EAF1: variants seen among roughly 807,000 people sequenced by gnomAD.
EAF1 encodes the protein ELL associated factor 1.
A neutral mutation model predicts 26.6 loss-of-function variants in EAF1; 19 were observed. That is an observed-to-expected ratio of 0.71 (90% CI 0.50 to 1.05). EAF1 has a LOEUF of 1.05. Among genes scored for constraint, EAF1 ranks in the 50% least tolerant of loss-of-function variants. The pLI, the probability that EAF1 is intolerant of heterozygous loss-of-function variation, is 0.00. For missense variants in EAF1, 260 were observed against 335.5 expected (o/e 0.78, Z 1.76); for synonymous variants, 102 against 120.6 (o/e 0.85, Z 1.01).
At chr3:15,429,517 A>G (rs922914999) in intron 1 of EAF1, among the ~76,000 whole-genome samples, 1 of 152,270 alleles carries the variant, frequency 6.6e-6, no homozygotes, top group Admixed American at 6.5e-5. Flanking sequence ...CACAACCCTA[A>G]AAAAGCAACT....
chr3:15,431,250 G>A (rs181900079), intron 2 of EAF1, among the ~76,000 whole-genome samples: 1 of 152,306 alleles, frequency 6.6e-6, no homozygotes, highest in East Asian at 1.9e-4. Context: ...TTGCCCTGGT[G>A]GAGCTTATGG....
At chr3:15,432,716 G>A (rs2061809589) in intron 3 of EAF1, among the ~76,000 whole-genome samples, 1 of 151,728 alleles carries the variant, frequency 6.6e-6, no homozygotes, top group Non-Finnish European at 1.5e-5. Context: ...GCCAGTTAGA[G>A]TTTATTTGAA....
In EAF1 at chr3:15,442,008, C is replaced by T. The variant is rs1201571197; in HGVS notation, c.*2853C>T. ...TGAAGTGTCAGAGGCGCTTAGTAAG[C>T]CTTAGTAAAGTTGTGATTGAAGAAA... On this transcript the variant is annotated 3_prime_UTR_variant, in exon 6 of 6. Transcript: ENST00000396842. The T allele has an allele frequency of 1.3e-5, 2 of 152,432 alleles. No homozygotes were observed. The highest frequency in any genetic ancestry group is 2.4e-5 in the African/African-American group (1 of 41,330). The allele number at this position is 152,432 out of a possible 1,614,324, so 9.4% of individuals were successfully genotyped here. A position where few individuals can be genotyped will look rare whatever the true frequency, so the allele number is the denominator to read the frequency against.
intron 3 of EAF1, among the ~76,000 whole-genome samples, chr3:15,432,592 A>T (rs1375759063): frequency 1.3e-5 from 2 of 152,180 alleles, no homozygotes; most frequent in African/African-American, 4.8e-5. Flanking sequence ...GAGTGAAAAC[A>T]TTAATTTTTT....
At chr3:15,436,180 G>T in intron 4 of EAF1, 162 bp from the exon 5 acceptor site, 1 of 485,616 alleles carries the variant, frequency 2.1e-6, no homozygotes, top group Non-Finnish European at 3.6e-6. Flanking sequence ...TTTTTGTTTT[G>T]GTAATTTTGT....
At chr3:15,433,181 T>TTCCAA (rs2061812364) in intron 3 of EAF1, 1 of 151,518 alleles carries the variant, frequency 6.6e-6, no homozygotes, top group African/African-American at 2.5e-5. Flanking sequence ...CTCTGTATCA[T>TTCCAA]TCCAATTTTA....
intron 5 of EAF1, among the ~76,000 whole-genome samples, chr3:15,438,333 C>T (rs1003836827): frequency 2.0e-5 from 3 of 152,034 alleles, no homozygotes; most frequent in African/African-American, 2.4e-5. Context: ...TTTAAGATAA[C>T]GTGACTATCC....
intron 1 of EAF1, among the ~76,000 whole-genome samples, chr3:15,429,337 T>TAA (rs942094805): frequency 1.4e-5 from 2 of 145,990 alleles, no homozygotes; most frequent in Non-Finnish European, 1.5e-5. Context: ...CCATCACTAT[T>TAA]AAAAAAAAAA....
intron 1 of EAF1, among the ~76,000 whole-genome samples, chr3:15,428,809 G>T (rs925306551): frequency 2.2e-4 from 34 of 152,190 alleles, no homozygotes; most frequent in African/African-American, 8.0e-4. Context: ...GTTAAGACTT[G>T]TTTTTGTCAG....
intron 5 of EAF1, 139 bp from the exon 6 acceptor site, chr3:15,438,970 T>G (rs1389127917): frequency 2.6e-6 from 2 of 769,514 alleles, no homozygotes; most frequent in Admixed American, 5.6e-5. Context: ...AATTTGATTT[T>G]CTTCCCTAAG....
chr3:15,437,148 G>A (rs13066360), intron 5 of EAF1, among the ~76,000 whole-genome samples: 29,860 of 151,822 alleles, frequency 0.2, 3,772 homozygotes, highest in Non-Finnish European at 0.29. Flanking sequence ...TGCCTGCCTC[G>A]GCCTCCCAAA....
At position 15,427,612 on chromosome 3, in the gene EAF1, C is replaced by G. The variant is rs2061758682; in HGVS notation, c.-168C>G. ...TCCTCAGATTCCTCTCTCACCCCCA[C>G]GCAGAGGAGAGAACTTGCTTCTGGA... On this transcript the variant is annotated 5_prime_UTR_variant, in exon 1 of 6. Transcript: ENST00000396842. 3.1e-6 allele frequency: 2 copies of G among 643,312 alleles called. No homozygotes were observed. Among genetic ancestry groups the G allele is most frequent in the Admixed American group, 2.7e-5 (1 of 36,930 alleles). 39.9% of individuals were successfully genotyped at this position (643,312 alleles called of 1,614,324 possible). A position where few individuals can be genotyped will look rare whatever the true frequency, so the allele number is the denominator to read the frequency against.
intron 1 of EAF1, 31 bp from the exon 2 acceptor site, chr3:15,429,882 T>G (rs902225277): frequency 2.1e-6 from 3 of 1,448,068 alleles, no homozygotes; most frequent in Non-Finnish European, 2.9e-6. Context: ...AGTAACCTGG[T>G]GGGTAAGTGC....
intron 1 of EAF1, among the ~76,000 whole-genome samples, 174 bp from the exon 2 acceptor site, chr3:15,429,739 T>C (rs2061791651): frequency 6.6e-6 from 1 of 152,250 alleles, no homozygotes; most frequent in Admixed American, 6.5e-5. Context: ...TGTACGATTC[T>C]CTCTACTTTT....
At chr3:15,438,263 A>G (rs1162875516) in intron 5 of EAF1, among the ~76,000 whole-genome samples, 5 of 152,200 alleles carry the variant, frequency 3.3e-5, no homozygotes, top group African/African-American at 1.2e-4. Context: ...TATTCTTCTA[A>G]ATTCTGCCTA....
At chr3:15,436,243 T>TA in intron 4 of EAF1, 99 bp from the exon 5 acceptor site, 1 of 840,402 alleles carries the variant, frequency 1.2e-6, no homozygotes, top group Non-Finnish European at 1.7e-6. Context: ...AATTATTTCT[T>TA]ATTGCTGTTG....
intron 5 of EAF1, chr3:15,438,887 T>G: frequency 2.2e-6 from 1 of 460,562 alleles, no homozygotes; most frequent in Non-Finnish European, 3.8e-6. Context: ...TTACTTCTCC[T>G]TTGCTCTACC....
At position 15,436,362 on chromosome 3, in the gene EAF1, A is replaced by G; in HGVS notation, c.547A>G (p.Ile183Val). The change falls in exon 5 of 6, where the codon ATT (isoleucine) becomes GTT (valine). Residue 183 changes from isoleucine (I) to valine (V), a missense_variant. Coordinates refer to ENST00000396842, the MANE Select transcript of EAF1 (RefSeq NM_033083.7). ...TCCAGAGCTGAGGGCTGAAGTTGACATTATTGAACAAATGAGCAGCAGCAG... is the reference window on the plus strand; with the variant it reads ...TCCAGAGCTGAGGGCTGAAGTTGACGTTATTGAACAAATGAGCAGCAGCAG... The part of the protein sequence containing the change: ...IKRELRAEVD[I>V]IEQMSSSSGS... The G allele has an allele frequency of 6.2e-7, 1 of 1,610,846 alleles. No homozygotes were observed. Among genetic ancestry groups the G allele is most frequent in the Non-Finnish European group, 8.5e-7 (1 of 1,177,570 alleles).
rs912746202 is a variant in EAF1 at position 15,432,356 on chromosome 3, C to A, written c.335+133C>A. The A allele has an allele frequency of 1.4e-5, 15 of 1,088,008 alleles. No individual in the cohort carries two copies. In the East Asian group the frequency reaches 1.8e-4, roughly 13 times the overall value. 67.4% of individuals were successfully genotyped at this position (1,088,008 alleles called of 1,614,324 possible). A position where few individuals can be genotyped will look rare whatever the true frequency, so the allele number is the denominator to read the frequency against. On this transcript the variant is annotated intron_variant, in intron 3 of 5. Coordinates refer to ENST00000396842, the MANE Select transcript of EAF1 (RefSeq NM_033083.7). The stretch of plus-strand genomic sequence containing the variant: ...AATCTTAACACTACCTGTGCTCAGA[C>A]AAAATATGTAAATATGTGCTCAGAG...
Sources: allele counts gnomAD v4.1 joint callset (sites outside exome capture counted in the v4.1 genomes callset), GRCh38; gene constraint gnomAD v4.1.1; transcripts MANE v1.5; gene names NCBI Gene and HGNC (gene_info 2026-07-23, HGNC 2026-07-21).